The following FBLN2 variants were observed in gnomAD, a reference collection of about 807,000 sequenced individuals.
FBLN2 encodes the protein fibulin-2.
A neutral mutation model predicts 123.7 loss-of-function variants in FBLN2; 81 were observed. The ratio of observed to expected loss-of-function variants is 0.65; its 90% CI spans 0.55 to 0.79. FBLN2 has a LOEUF of 0.79. Among genes scored for constraint, FBLN2 ranks in the 30% least tolerant of loss-of-function variants. FBLN2 has a pLI of 0.00. For synonymous variants in FBLN2, 699 were observed against 701.4 expected (o/e 1.00, Z 0.05); for missense variants, 1,603 against 1,681.3 (o/e 0.95, Z 0.81).
chr3:13,620,725 C>T (rs959919343), intron 8 of FBLN2, among the ~76,000 whole-genome samples: 3 of 152,166 alleles, frequency 2.0e-5, no homozygotes, highest in Non-Finnish European at 4.4e-5. Context: ...AGTTCTGGCT[C>T]AGAGATGAGA....
At chr3:13,604,830 G>T (rs1265755831) in intron 2 of FBLN2, among the ~76,000 whole-genome samples, 3 of 152,236 alleles carry the variant, frequency 2.0e-5, no homozygotes, top group African/African-American at 7.2e-5. Flanking sequence ...TGAAAACTTA[G>T]GAAAGCTTGG....
intron 16 of FBLN2, among the ~76,000 whole-genome samples, chr3:13,634,235 C>T (rs1295569903): frequency 2.0e-5 from 3 of 152,238 alleles, no homozygotes; most frequent in Non-Finnish European, 4.4e-5. Flanking sequence ...ATCTGAGTTG[C>T]GGCTGACCCT....
intron 2 of FBLN2, among the ~76,000 whole-genome samples, chr3:13,583,133 G>T (rs1405243954): frequency 6.6e-6 from 1 of 152,268 alleles, no homozygotes; most frequent in Non-Finnish European, 1.5e-5. Context: ...TGGCTGCAAG[G>T]CTGGCTTCCC....
At chr3:13,560,950 T>G (rs1703585126) in intron 1 of FBLN2, among the ~76,000 whole-genome samples, 1 of 151,784 alleles carries the variant, frequency 6.6e-6, no homozygotes, top group African/African-American at 2.4e-5. Context: ...AGTAGCTAGA[T>G]ACAGAGTCTC....
chr3:13,629,965 T>C lies in FBLN2; in HGVS notation c.2968+20T>C. ...GTGAAGGTAGGCTGGCCCTCATCTC[T>C]GACCCTATGCCGCCTGGTATCTGTA... On this transcript the variant is annotated intron_variant, in intron 14 of 17. Coordinates refer to ENST00000404922, the MANE Select transcript of FBLN2 (RefSeq NM_001004019.2). 1 of 1,609,320 alleles carries C rather than the reference T, an allele frequency of 6.2e-7. No individual in the cohort carries two copies. The highest frequency in any genetic ancestry group is 8.5e-7 in the Non-Finnish European group (1 of 1,178,656).
At chr3:13,575,753 C>T (rs963700457) in intron 2 of FBLN2, among the ~76,000 whole-genome samples, 2 of 152,138 alleles carry the variant, frequency 1.3e-5, no homozygotes, top group Admixed American at 6.5e-5. Context: ...GCATGCACCA[C>T]GCTTCTGAGC....
In FBLN2 at chr3:13,570,518, T is replaced by C; in HGVS notation, c.163T>C (p.Cys55Arg). 1 of 1,589,084 alleles carries C rather than the reference T, an allele frequency of 6.3e-7. No individual in the cohort carries two copies. The highest frequency in any genetic ancestry group is 8.6e-7 in the Non-Finnish European group (1 of 1,168,756). Residue 55 changes from cysteine (C) to arginine (R), a missense_variant, in exon 2 of 18, where the codon TGT becomes CGT. Cys to Arg is a radical substitution (Grantham distance 180, BLOSUM62 -3). Coordinates refer to ENST00000404922, the MANE Select transcript of FBLN2 (RefSeq NM_001004019.2). Reference protein sequence around the residue: ...IEEALEPGACCATCVQQGCAC... With the variant: ...IEEALEPGACRATCVQQGCAC... ...GGAGGCGCTGGAGCCGGGTGCCTGC[T>C]GTGCCACGTGTGTGCAGCAGGGCTG...
intron 2 of FBLN2, among the ~76,000 whole-genome samples, chr3:13,587,174 TA>T (rs895753937): frequency 2.1e-4 from 32 of 149,830 alleles, no homozygotes; most frequent in African/African-American, 7.8e-4. Context: ...AATAAATAAT[TA>T]AAAAAATAAT....
chr3:13,605,669 A>G (rs1376064901), intron 2 of FBLN2, among the ~76,000 whole-genome samples: 1 of 152,088 alleles, frequency 6.6e-6, no homozygotes, highest in African/African-American at 2.4e-5. Context: ...GCATCCTTGT[A>G]CTGGTTGTGT....
At chr3:13,587,862 A>G (rs6442399) in intron 2 of FBLN2, among the ~76,000 whole-genome samples, 52,080 of 151,948 alleles carry the variant, frequency 0.34, 10,229 homozygotes, top group East Asian at 0.55. Flanking sequence ...GCCTGGAGGC[A>G]CCCCCCAATC....
intron 1 of FBLN2, among the ~76,000 whole-genome samples, chr3:13,569,245 G>A (rs1167982590): frequency 1.3e-5 from 2 of 152,202 alleles, no homozygotes. Flanking sequence ...GGGCCTGTGG[G>A]AGGGTCGGGT....
At chr3:13,616,942 C>T (rs554355368) in intron 5 of FBLN2, among the ~76,000 whole-genome samples, 21 of 152,276 alleles carry the variant, frequency 1.4e-4, no homozygotes, top group African/African-American at 4.8e-4. Context: ...GATTTGGAGC[C>T]CTTTCTGCTG....
chr3:13,637,132 C>T lies in FBLN2; in HGVS notation c.3339-430C>T, dbSNP rs138261663. Among the ~76,000 whole-genome samples the T allele has an allele frequency of 2.1e-3, 322 of 152,254 alleles. 1 individual carries two copies. The highest frequency in any genetic ancestry group is 6.9e-3 in the African/African-American group (285 of 41,546). On this transcript the variant is annotated intron_variant, in intron 17 of 17. Coordinates refer to ENST00000404922, the MANE Select transcript of FBLN2 (RefSeq NM_001004019.2). ...TCACTTAACCTCAGAACTGACAGAC[C>T]GCTACTCTGCCACCAGCCACACGGC...
In FBLN2 at chr3:13,549,807, GC is replaced by G. The variant is rs1330405013; in HGVS notation, c.-42+601del. 4.0e-5 allele frequency among the ~76,000 whole-genome samples: 6 copies of G among 151,392 alleles called. No individual in the cohort carries two copies. In the East Asian group the frequency reaches 7.8e-4, roughly 20 times the overall value. ...CCTCTCCCAGCCCCATGCTCACCCCGCCAGCTCCCCCAGGCCAGAATCTCTC... is the reference window on the plus strand; with the variant it reads ...CCTCTCCCAGCCCCATGCTCACCCCGCAGCTCCCCCAGGCCAGAATCTCTC... On this transcript the variant is annotated intron_variant, in intron 1 of 17. Coordinates refer to ENST00000404922, the MANE Select transcript of FBLN2 (RefSeq NM_001004019.2).
At chr3:13,630,111 T>C (rs1199887250) in intron 14 of FBLN2, among the ~76,000 whole-genome samples, 166 bp downstream of exon 14, 1 of 152,204 alleles carries the variant, frequency 6.6e-6, no homozygotes, top group Non-Finnish European at 1.5e-5. Context: ...CAACCCTCTC[T>C]GGCCTCCACT....
intron 8 of FBLN2, among the ~76,000 whole-genome samples, chr3:13,620,032 G>C (rs1338790284): frequency 6.6e-6 from 1 of 152,124 alleles, no homozygotes; most frequent in East Asian, 1.9e-4. Context: ...TGCACTCCAG[G>C]GTGGGCCTGC....
At chr3:13,617,578 CCCATCCATCCAT>C (rs57191985) in intron 5 of FBLN2, among the ~76,000 whole-genome samples, 10,899 of 119,360 alleles carry the variant, frequency 0.091, 705 homozygotes, top group African/African-American at 0.2. Flanking sequence ...AACCCATCCA[CCCATCCATCCAT>C]CCATCCATCC....
At chr3:13,557,892 C>T (rs1282018825) in intron 1 of FBLN2, among the ~76,000 whole-genome samples, 2 of 152,218 alleles carry the variant, frequency 1.3e-5, no homozygotes, top group Non-Finnish European at 2.9e-5. Flanking sequence ...GCTCTGATCT[C>T]TGGGAGTCCA....
chr3:13,621,376 C>T (rs547097200), intron 8 of FBLN2, among the ~76,000 whole-genome samples: 1 of 152,322 alleles, frequency 6.6e-6, no homozygotes. Context: ...ACTCAGTGTC[C>T]TGGAGCCCCT....
Sources: allele counts gnomAD v4.1 joint callset (sites outside exome capture counted in the v4.1 genomes callset), GRCh38; gene constraint gnomAD v4.1.1; transcripts MANE v1.5; gene names NCBI Gene and HGNC (gene_info 2026-07-23, HGNC 2026-07-21).